VPS13B: variants seen among roughly 807,000 people sequenced by gnomAD.
VPS13B encodes the protein intermembrane lipid transfer protein VPS13B.
A neutral mutation model predicts 426.4 loss-of-function variants in VPS13B; 285 were observed. The ratio of observed to expected loss-of-function variants is 0.67; its 90% CI spans 0.61 to 0.74. The LOEUF is 0.74. VPS13B is among the 30% of genes least tolerant of loss of function. The probability of loss-of-function intolerance (pLI) is 0.00; values close to 1 mark genes in which losing one functional copy is unlikely to be tolerated. For missense variants in VPS13B, 4,537 were observed against 4,782.6 expected (o/e 0.95, Z 1.51); for synonymous variants, 1,676 against 1,676.4 (o/e 1.00, Z 0.01).
At chr8:99,652,948 A>C (rs1248116753) in intron 34 of VPS13B, among the ~76,000 whole-genome samples, 2 of 152,168 alleles carry the variant, frequency 1.3e-5, no homozygotes, top group Non-Finnish European at 2.9e-5. Flanking sequence ...GGTGATGAGA[A>C]GGTTAAATAA....
intron 25 of VPS13B, among the ~76,000 whole-genome samples, chr8:99,485,463 C>T (rs1563755328): frequency 6.6e-6 from 1 of 152,172 alleles, no homozygotes; most frequent in Non-Finnish European, 1.5e-5. Flanking sequence ...CACAGCTATG[C>T]TGAGACATGG....
chr8:99,591,713 A>G (rs1826686902), intron 33 of VPS13B, among the ~76,000 whole-genome samples: 1 of 152,188 alleles, frequency 6.6e-6, no homozygotes, highest in East Asian at 1.9e-4. Context: ...GTTTCTGCCA[A>G]GAGATCAGCT....
intron 3 of VPS13B, among the ~76,000 whole-genome samples, chr8:99,073,358 ATGAACATAGGATG>A (rs1446095101): frequency 2.6e-5 from 4 of 152,184 alleles, no homozygotes; most frequent in Admixed American, 1.3e-4. Context: ...CCTCTAATCT[ATGAACATAGGATG>A]TCTTTTCATT....
intron 3 of VPS13B, among the ~76,000 whole-genome samples, chr8:99,084,367 G>A (rs1246025987): frequency 6.6e-6 from 1 of 151,972 alleles, no homozygotes; most frequent in Non-Finnish European, 1.5e-5. Context: ...ACTCTTGCTA[G>A]CAGTCTATCA....
At chr8:99,728,472 A>G (rs1833444951) in intron 39 of VPS13B, among the ~76,000 whole-genome samples, 3 of 152,354 alleles carry the variant, frequency 2.0e-5, no homozygotes, top group Admixed American at 2.0e-4. Context: ...CATAAATGGT[A>G]GCTGTTACCA....
intron 33 of VPS13B, among the ~76,000 whole-genome samples, chr8:99,620,198 A>G (rs1828289658): frequency 6.6e-6 from 1 of 152,190 alleles, no homozygotes; most frequent in Non-Finnish European, 1.5e-5. Context: ...CAAGAATGAT[A>G]GTGTTGCAAT....
chr8:99,237,686 T>A (rs1043272482), intron 17 of VPS13B, among the ~76,000 whole-genome samples: 3 of 152,098 alleles, frequency 2.0e-5, no homozygotes, highest in African/African-American at 7.2e-5. Flanking sequence ...TTGGGTATAG[T>A]GGTGTATGCT....
At chr8:99,192,514 AT>A (rs1813661381) in intron 16 of VPS13B, among the ~76,000 whole-genome samples, 1 of 152,214 alleles carries the variant, frequency 6.6e-6, no homozygotes, top group South Asian at 2.1e-4. Context: ...GTGTTAACAG[AT>A]AAAAGAAATC....
chr8:99,142,831 G>A (rs1377552538), intron 12 of VPS13B, 143 bp from the exon 13 acceptor site: 5 of 725,354 alleles, frequency 6.9e-6, no homozygotes, highest in Non-Finnish European at 8.8e-6. Flanking sequence ...ATACAAATCA[G>A]CAGGGCTCTC....
chr8:99,787,489 C>T (rs1483539114), intron 43 of VPS13B, among the ~76,000 whole-genome samples: 2 of 152,104 alleles, frequency 1.3e-5, no homozygotes, highest in South Asian at 2.1e-4. Context: ...TTCAGCTGCA[C>T]AGAATCATAG....
At chr8:99,233,703 C>T (rs1816483161) in intron 17 of VPS13B, 1 of 788,816 alleles carries the variant, frequency 1.3e-6, no homozygotes, top group East Asian at 2.4e-5. Context: ...ATGCTCAAAT[C>T]CTGCAAGGAT....
At chr8:99,697,285 G>T in intron 35 of VPS13B, 2 of 576,030 alleles carry the variant, frequency 3.5e-6, no homozygotes, top group Non-Finnish European at 3.1e-6. Flanking sequence ...CTGCAGAAGC[G>T]CTCGGAGTTG....
rs115636781 is a variant in VPS13B, at chr8:99,062,193, C to A, written c.291+23627C>A. ...CATTATTTGCTTCTGATTCCCTATG[C>A]GTTTTATAGGGAAGATAGGACATGC... On this transcript the variant is annotated intron_variant, in intron 3 of 61. Coordinates refer to ENST00000357162, the MANE Select transcript of VPS13B (RefSeq NM_152564.5). Among the ~76,000 whole-genome samples, 621 of 152,210 alleles carry A rather than the reference C, an allele frequency of 4.1e-3. 5 individuals carry two copies. Among genetic ancestry groups the A allele is most frequent in the South Asian group, 0.022 (105 of 4,824 alleles).
chr8:99,631,223 G>A (rs893856160), intron 33 of VPS13B, among the ~76,000 whole-genome samples: 5 of 152,068 alleles, frequency 3.3e-5, no homozygotes, highest in African/African-American at 1.2e-4. Context: ...CCAAGAATTT[G>A]TGTCTCATTC....
At chr8:99,645,376 C>T (rs1056689367) in intron 34 of VPS13B, among the ~76,000 whole-genome samples, 1 of 152,160 alleles carries the variant, frequency 6.6e-6, no homozygotes, top group Admixed American at 6.5e-5. Context: ...TGTGCTGGTA[C>T]TATTTTAGCT....
chr8:99,391,480 G>T (rs1814445702), intron 20 of VPS13B, 77 bp from the exon 21 acceptor site: 3 of 1,606,890 alleles, frequency 1.9e-6, no homozygotes, highest in Non-Finnish European at 2.6e-6. Context: ...CCTCAGTATT[G>T]CCATGTTTAA....
intron 19 of VPS13B, among the ~76,000 whole-genome samples, chr8:99,376,675 T>G (rs1813505547): frequency 6.6e-6 from 1 of 152,108 alleles, no homozygotes; most frequent in Non-Finnish European, 1.5e-5. Flanking sequence ...CACATTTAGT[T>G]TTAGACATAT....
intron 39 of VPS13B, among the ~76,000 whole-genome samples, chr8:99,762,998 C>T (rs886642662): frequency 8.6e-5 from 13 of 151,310 alleles, no homozygotes; most frequent in African/African-American, 2.9e-4. Context: ...ATTAGTCAGG[C>T]ATGGTGGCAC....
At chr8:99,575,628 T>G (rs770304718) in intron 31 of VPS13B, 30 bp from the exon 32 acceptor site, 2 of 1,613,210 alleles carry the variant, frequency 1.2e-6, no homozygotes, top group African/African-American at 1.3e-5. Flanking sequence ...AATAATGAAA[T>G]GGCTAATAAT....
Sources: gnomAD v4.1 joint callset for allele counts (sites outside exome capture counted in the v4.1 genomes callset) on GRCh38, gnomAD v4.1.1 for gene constraint, MANE v1.5 for transcripts, NCBI Gene and HGNC (gene_info 2026-07-23, HGNC 2026-07-21) for gene names.